SLC22A3: variants seen among roughly 807,000 people sequenced by gnomAD.
SLC22A3 encodes the protein EMT organic cation transporter 3.
A neutral mutation model predicts 59.1 loss-of-function variants in SLC22A3; 51 were observed. The observed-to-expected ratio is 0.86, with a 90% CI of 0.69 to 1.09. SLC22A3 has a LOEUF of 1.09. Among genes scored for constraint, SLC22A3 ranks in the 50% least tolerant of loss-of-function variants. The probability of loss-of-function intolerance (pLI) is 0.00; values close to 1 mark genes in which losing one functional copy is unlikely to be tolerated. For missense variants in SLC22A3, 711 were observed against 726.3 expected (o/e 0.98, Z 0.24); for synonymous variants, 325 against 292.0 (o/e 1.11, Z -1.15).
In SLC22A3 at chr6:160,436,461, C is replaced by T. The variant is rs1788337027; in HGVS notation, c.976-319C>T. Among the ~76,000 whole-genome samples, 4 of 152,094 alleles carry T rather than the reference C, an allele frequency of 2.6e-5. No homozygotes were observed. The South Asian group carries it at 6.2e-4, about 24-fold the overall frequency. On this transcript the variant is annotated intron_variant, in intron 5 of 10. Transcript: ENST00000275300. ...AAAGAAACCCTTAATTGGTTGGATCCCACTTGCTTCACCCACCCTGACTCT... is the reference window on the plus strand; with the variant it reads ...AAAGAAACCCTTAATTGGTTGGATCTCACTTGCTTCACCCACCCTGACTCT...
At chr6:160,413,396 T>C (rs912381329) in intron 5 of SLC22A3, among the ~76,000 whole-genome samples, 1 of 152,208 alleles carries the variant, frequency 6.6e-6, no homozygotes, top group Admixed American at 6.5e-5. Context: ...TTTCCAAACA[T>C]ACTCAAAAAT....
At chr6:160,370,221 C>T (rs915678452) in intron 1 of SLC22A3, among the ~76,000 whole-genome samples, 1 of 152,198 alleles carries the variant, frequency 6.6e-6, no homozygotes, top group Non-Finnish European at 1.5e-5. Context: ...GTCACAAGCC[C>T]TTCCTGGATT....
At chr6:160,350,342 A>C (rs1784618904) in intron 1 of SLC22A3, among the ~76,000 whole-genome samples, 1 of 151,910 alleles carries the variant, frequency 6.6e-6, no homozygotes. Context: ...CCCCCTGGCA[A>C]GACAGCCAGG....
chr6:160,366,877 A>G (rs1469458756), intron 1 of SLC22A3, among the ~76,000 whole-genome samples: 1 of 152,148 alleles, frequency 6.6e-6, no homozygotes, highest in Non-Finnish European at 1.5e-5. Flanking sequence ...GTCTCTAGGA[A>G]CTTCCAAACT....
intron 9 of SLC22A3, among the ~76,000 whole-genome samples, chr6:160,445,831 C>G (rs1342903847): frequency 6.6e-6 from 1 of 152,180 alleles, no homozygotes; most frequent in African/African-American, 2.4e-5. Flanking sequence ...TGATGGGGCT[C>G]TGTGTCCGCT....
rs3066964 is a variant in SLC22A3 at position 160,410,989 on chromosome 6, T to TACAC, written c.975+156_975+159dup. ...ATATATGTATGTATGTATATATGTA[T>TACAC]ACACACACACACACACTACCAAACA... On this transcript the variant is annotated intron_variant, in intron 5 of 10. Transcript: ENST00000275300. The TACAC allele has an allele frequency of 3.4e-3, 1,537 of 456,544 alleles. 28 individuals are homozygous for TACAC. In the East Asian group the frequency reaches 0.04, roughly 12 times the overall value. The allele number at this position is 456,544 out of a possible 1,614,324, so 28.3% of individuals were successfully genotyped here.
chr6:160,419,154 A>C (rs539861661), intron 5 of SLC22A3, among the ~76,000 whole-genome samples: 1 of 152,152 alleles, frequency 6.6e-6, no homozygotes, highest in Non-Finnish European at 1.5e-5. Context: ...CCTCATTAGA[A>C]AGTGTCTTAC....
chr6:160,348,821 C>T lies in SLC22A3; in HGVS notation c.402C>T (p.Ala134=), dbSNP rs1027793705. The change falls in exon 1 of 11, where the codon GCC becomes GCT. Residue 134 remains alanine, a synonymous_variant. Transcript: ENST00000275300. ...LVPCRGGWRY[A]QAHSTIVSEF... ...CGTGCCGCGGCGGCTGGCGCTACGC[C>T]CAGGCCCACTCCACCATCGTCAGCG... 2 of 1,582,852 alleles carry T rather than the reference C, an allele frequency of 1.3e-6. No homozygotes were observed. Among genetic ancestry groups the T allele is most frequent in the Non-Finnish European group, 1.7e-6 (2 of 1,172,912 alleles).
At chr6:160,361,574 T>G (rs760271899) in intron 1 of SLC22A3, among the ~76,000 whole-genome samples, 4 of 152,218 alleles carry the variant, frequency 2.6e-5, no homozygotes, top group African/African-American at 7.2e-5. Context: ...ACACTTGACA[T>G]GTGTTCAACT....
intron 9 of SLC22A3, among the ~76,000 whole-genome samples, chr6:160,444,172 C>A (rs1788657378): frequency 6.6e-6 from 1 of 151,990 alleles, no homozygotes; most frequent in African/African-American, 2.4e-5. Context: ...GAGTTCAAGA[C>A]CAGCTTGGGC....
chr6:160,445,869 T>C (rs551250027), intron 9 of SLC22A3, among the ~76,000 whole-genome samples: 1 of 150,980 alleles, frequency 6.6e-6, no homozygotes, highest in East Asian at 2.0e-4. Flanking sequence ...CCTGGAAGAG[T>C]TCAAGTGGAA....
intron 5 of SLC22A3, among the ~76,000 whole-genome samples, chr6:160,432,253 C>T (rs1199669716): frequency 1.3e-5 from 2 of 152,072 alleles, no homozygotes; most frequent in Admixed American, 6.6e-5. Flanking sequence ...TCAGGCCTCC[C>T]GCTACAACTA....
At chr6:160,400,593 C>T (rs1454966060) in intron 2 of SLC22A3, among the ~76,000 whole-genome samples, 1 of 151,910 alleles carries the variant, frequency 6.6e-6, no homozygotes, top group Non-Finnish European at 1.5e-5. Flanking sequence ...ATAGCAGTTC[C>T]GTTTACCCAG....
intron 1 of SLC22A3, among the ~76,000 whole-genome samples, chr6:160,351,240 C>G (rs1022871264): frequency 6.6e-6 from 1 of 152,092 alleles, no homozygotes; most frequent in East Asian, 1.9e-4. Context: ...CTCAGCCTCC[C>G]GAATAGCTGG....
intron 1 of SLC22A3, among the ~76,000 whole-genome samples, chr6:160,371,773 G>T (rs1361977223): frequency 6.6e-6 from 1 of 152,142 alleles, no homozygotes; most frequent in African/African-American, 2.4e-5. Flanking sequence ...CTTCCACAAT[G>T]GTGGAAGACA....
chr6:160,357,752 T>C (rs1784890177), intron 1 of SLC22A3, among the ~76,000 whole-genome samples: 2 of 152,308 alleles, frequency 1.3e-5, no homozygotes, highest in South Asian at 4.2e-4. Context: ...AGGAGAAAAT[T>C]AGATTGAAAC....
intron 1 of SLC22A3, among the ~76,000 whole-genome samples, chr6:160,386,958 G>A (rs1301119472): frequency 3.9e-5 from 6 of 152,308 alleles, no homozygotes; most frequent in African/African-American, 1.4e-4. Flanking sequence ...CACCAGGACA[G>A]CCAGATCCCT....
chr6:160,432,817 A>C (rs1484671953), intron 5 of SLC22A3, among the ~76,000 whole-genome samples: 2 of 152,230 alleles, frequency 1.3e-5, no homozygotes, highest in Non-Finnish European at 2.9e-5. Flanking sequence ...ATTACCGCAT[A>C]ATGGTTAAAA....
Position 160,452,248 on chromosome 6 carries a change from C to A in SLC22A3, c.*1192C>A, listed in dbSNP as rs939820309. On this transcript the variant is annotated 3_prime_UTR_variant, in exon 11 of 11. Coordinates refer to ENST00000275300, the MANE Select transcript of SLC22A3 (RefSeq NM_021977.4). ...TTAAAAATGAAATACTTTATGCAAACAGGCAAAATTGGTACCAAAGGGAAA... is the reference window on the plus strand; with the variant it reads ...TTAAAAATGAAATACTTTATGCAAAAAGGCAAAATTGGTACCAAAGGGAAA... The A allele has an allele frequency of 4.6e-5, 7 of 152,252 alleles. No individual in the cohort carries two copies. Among genetic ancestry groups the A allele is most frequent in the Non-Finnish European group, 8.8e-5 (6 of 68,022 alleles). 9.4% of individuals were successfully genotyped at this position (152,252 alleles called of 1,614,324 possible). A position where few individuals can be genotyped will look rare whatever the true frequency, so the allele number is the denominator to read the frequency against.
Sources: gnomAD v4.1 joint callset for allele counts (sites outside exome capture counted in the v4.1 genomes callset) on GRCh38, gnomAD v4.1.1 for gene constraint, MANE v1.5 for transcripts, NCBI Gene and HGNC (gene_info 2026-07-23, HGNC 2026-07-21) for gene names.